Variants in SDK1 observed in about 807,000 individuals in gnomAD.
SDK1 encodes the protein protein sidekick-1.
Under a neutral mutation model 245.5 loss-of-function variants are expected in SDK1, and 157 were observed. The observed-to-expected ratio is 0.64, with a 90% CI of 0.56 to 0.73. The LOEUF is 0.73. Ranked by LOEUF, SDK1 falls within the 30% of genes least tolerant of loss-of-function variation. The pLI is 0.00. For synonymous variants in SDK1, 1,647 were observed against 1,278.5 expected, an observed-to-expected ratio of 1.29 and a Z score of -6.15; for missense variants, 3,583 against 3,002.3, an observed-to-expected ratio of 1.19 and a Z score of -4.52.
At chr7:3,807,641 C>T (rs776934147) in intron 4 of SDK1, among the ~76,000 whole-genome samples, 1 of 152,090 alleles carries the variant, frequency 6.6e-6, no homozygotes, top group Non-Finnish European at 1.5e-5. Flanking sequence ...AACCTCACAA[C>T]AAAGGTTTGC....
At chr7:3,907,714 A>G (rs1205333236) in intron 5 of SDK1, among the ~76,000 whole-genome samples, 2 of 152,260 alleles carry the variant, frequency 1.3e-5, no homozygotes, top group Non-Finnish European at 2.9e-5. Flanking sequence ...ACAAAGGTGT[A>G]GCACCGCAAC....
chr7:3,531,800 A>T (rs1026875854), intron 1 of SDK1, among the ~76,000 whole-genome samples: 7 of 152,218 alleles, frequency 4.6e-5, no homozygotes, highest in Non-Finnish European at 8.8e-5. Flanking sequence ...GTAAAGTGTT[A>T]CAGAGTCATA....
At chr7:3,722,741 C>G (rs972769009) in intron 4 of SDK1, among the ~76,000 whole-genome samples, 2 of 152,300 alleles carry the variant, frequency 1.3e-5, no homozygotes, top group Non-Finnish European at 2.9e-5. Flanking sequence ...ATCCTCAGAT[C>G]CGGGGACTCG....
chr7:3,730,292 T>C (rs1183234932), intron 4 of SDK1, among the ~76,000 whole-genome samples: 1 of 152,102 alleles, frequency 6.6e-6, no homozygotes, highest in African/African-American at 2.4e-5. Flanking sequence ...TCTGTTGTGG[T>C]TTTCATGCCT....
intron 14 of SDK1, among the ~76,000 whole-genome samples, chr7:4,001,954 T>C (rs963636439): frequency 6.6e-6 from 1 of 152,260 alleles, no homozygotes; most frequent in Non-Finnish European, 1.5e-5. Context: ...ATGTGTTTCA[T>C]GCCTGAATAG....
intron 38 of SDK1, among the ~76,000 whole-genome samples, chr7:4,216,378 A>G (rs1212585768): frequency 2.0e-5 from 3 of 152,124 alleles, no homozygotes; most frequent in Non-Finnish European, 4.4e-5. Context: ...TCTCACCCGG[A>G]GGGGCTGCAC....
intron 4 of SDK1, among the ~76,000 whole-genome samples, chr7:3,777,458 G>C (rs1425244260): frequency 6.6e-6 from 1 of 152,184 alleles, no homozygotes; most frequent in African/African-American, 2.4e-5. Context: ...TTACAGATGA[G>C]GAGACATTTT....
intron 4 of SDK1, among the ~76,000 whole-genome samples, chr7:3,751,385 A>T (rs1779767968): frequency 7.0e-6 from 1 of 143,358 alleles, no homozygotes; most frequent in Admixed American, 7.7e-5. Context: ...CCTCTCCAAG[A>T]TGCTGCCTAT....
intron 5 of SDK1, among the ~76,000 whole-genome samples, chr7:3,859,248 C>G (rs1468339694): frequency 6.6e-6 from 1 of 152,150 alleles, no homozygotes; most frequent in Non-Finnish European, 1.5e-5. Context: ...CTTTGATCCA[C>G]CTGCCTAGCT....
intron 1 of SDK1, among the ~76,000 whole-genome samples, chr7:3,423,280 T>C (rs1327903035): frequency 6.6e-6 from 1 of 152,224 alleles, no homozygotes; most frequent in Non-Finnish European, 1.5e-5. Flanking sequence ...GGAAAATTTT[T>C]ATTGATTAAC....
chr7:4,233,336 A>G lies in SDK1; in HGVS notation c.5909A>G (p.Gln1970Arg), dbSNP rs1288362176. 9.3e-6 allele frequency: 15 copies of G among 1,613,960 alleles called. No homozygotes were observed. The highest frequency in any genetic ancestry group is 1.3e-5 in the Non-Finnish European group (15 of 1,180,038). The change falls in exon 41 of 45, where the codon CAA (glutamine) becomes CGA (arginine). Residue 1970 changes from glutamine (Q) to arginine (R), a missense_variant. Coordinates refer to ENST00000404826, the MANE Select transcript of SDK1 (RefSeq NM_152744.4). ...SYTLSLDKLR[Q>R]GVTYEFRVVA... ...ACCCTCAGCCTGGATAAGCTCCGGC[A>G]AGGAGTGACTTACGAGTTCCGGGTG...
rs114129214 is a variant in SDK1 at position 3,980,428 on chromosome 7, C to G, written c.1994+5883C>G. 2.6e-3 allele frequency among the ~76,000 whole-genome samples: 390 copies of G among 152,336 alleles called. 3 individuals are homozygous for G. The highest frequency in any genetic ancestry group is 9.1e-3 in the African/African-American group (379 of 41,560). On this transcript the variant is annotated intron_variant, in intron 13 of 44. Transcript: ENST00000404826. ...CTTCCATTGTTCTCTGGGACCTCTT[C>G]CATTTATCAGCCTCTGTGCTTATCA...
chr7:4,259,893 C>T (rs1465993673), intron 44 of SDK1, among the ~76,000 whole-genome samples: 1 of 152,196 alleles, frequency 6.6e-6, no homozygotes, highest in Non-Finnish European at 1.5e-5. Flanking sequence ...TGCAGGCTCC[C>T]ACCCAGCCTC....
In SDK1 at chr7:3,682,324, C is replaced by G. The variant is rs183351661; in HGVS notation, c.713+40219C>G. ...TTCGATTCTGTCCAGTGCTTTTCAACTATGCCACAGTTGCTTCTTATTGAG... is the reference window on the plus strand; with the variant it reads ...TTCGATTCTGTCCAGTGCTTTTCAAGTATGCCACAGTTGCTTCTTATTGAG... On this transcript the variant is annotated intron_variant, in intron 4 of 44. Coordinates refer to ENST00000404826, the MANE Select transcript of SDK1 (RefSeq NM_152744.4). 2.8e-3 allele frequency among the ~76,000 whole-genome samples: 423 copies of G among 152,290 alleles called. 3 individuals are homozygous for G. Among genetic ancestry groups the G allele is most frequent in the South Asian group, 0.017 (82 of 4,820 alleles).
intron 1 of SDK1, among the ~76,000 whole-genome samples, chr7:3,513,678 T>C (rs1454437335): frequency 1.3e-5 from 2 of 152,170 alleles, no homozygotes; most frequent in Non-Finnish European, 2.9e-5. Flanking sequence ...ATGTGCAAAT[T>C]TGTTATGTGG....
chr7:3,775,331 G>A (rs1413894415), intron 4 of SDK1, among the ~76,000 whole-genome samples: 2 of 152,162 alleles, frequency 1.3e-5, no homozygotes, highest in East Asian at 3.9e-4. Flanking sequence ...AGTGGCAACT[G>A]CCTATGGTTC....
At chr7:4,067,052 C>T (rs1224712389) in intron 19 of SDK1, among the ~76,000 whole-genome samples, 1 of 152,208 alleles carries the variant, frequency 6.6e-6, no homozygotes, top group East Asian at 1.9e-4. Context: ...GTGCCCGGGA[C>T]ATCCTCGTGT....
rs980572917 is a variant in SDK1, at chr7:4,174,457, G to T, written c.4936+100G>T. 8.2e-6 allele frequency: 11 copies of T among 1,337,430 alleles called. No individual in the cohort carries two copies. The South Asian group carries it at 1.4e-4, about 17-fold the overall frequency. The allele number at this position is 1,337,430 out of a possible 1,614,324, so 82.8% of individuals were successfully genotyped here. On this transcript the variant is annotated intron_variant, in intron 33 of 44. Coordinates refer to ENST00000404826, the MANE Select transcript of SDK1 (RefSeq NM_152744.4). Reference sequence around the variant, plus strand: ...CATGGTGGGAAACGCTGTGGAAGAGGCTGAGAGAAGAGGCAGCCCTGCCCT... The same window carrying T: ...CATGGTGGGAAACGCTGTGGAAGAGTCTGAGAGAAGAGGCAGCCCTGCCCT...
chr7:3,975,910 A>G (rs1378895278), intron 13 of SDK1, among the ~76,000 whole-genome samples: 2 of 147,966 alleles, frequency 1.4e-5, no homozygotes, highest in East Asian at 3.9e-4. Context: ...TGCCACGTAG[A>G]GGGTCCTCCA....
Sources: allele counts gnomAD v4.1 joint callset (sites outside exome capture counted in the v4.1 genomes callset), GRCh38; gene constraint gnomAD v4.1.1; transcripts MANE v1.5; gene names NCBI Gene and HGNC (gene_info 2026-07-23, HGNC 2026-07-21).